OSBPL8: variants seen among roughly 807,000 people sequenced by gnomAD.
OSBPL8 encodes the protein oxysterol binding protein like 8, also known as oxysterol-binding protein-related protein 8.
In OSBPL8, 59 loss-of-function variants were observed where a neutral mutation model predicts 125.5. That is an observed-to-expected ratio of 0.47 (90% CI 0.38 to 0.58). OSBPL8 has a LOEUF of 0.58. OSBPL8 is among the 20% of genes least tolerant of loss of function. The pLI is 0.00. For synonymous variants in OSBPL8, 330 were observed against 338.9 expected, an observed-to-expected ratio of 0.97 and a Z score of 0.29; for missense variants, 758 against 1,047.8, an observed-to-expected ratio of 0.72 and a Z score of 3.82.
At chr12:76,392,056 T>G (rs1353641887) in intron 10 of OSBPL8, among the ~76,000 whole-genome samples, 4 of 152,180 alleles carry the variant, frequency 2.6e-5, no homozygotes, top group African/African-American at 9.6e-5. Context: ...TAGTGTTAAC[T>G]ACAATAAATG....
At chr12:76,416,581 C>G (rs1868699551) in intron 4 of OSBPL8, among the ~76,000 whole-genome samples, 2 of 152,128 alleles carry the variant, frequency 1.3e-5, no homozygotes, top group South Asian at 4.1e-4. Flanking sequence ...ATATAATGTA[C>G]TCATGCTTTT....
At chr12:76,511,118 TAGAGTG>T (rs529709306) in intron 1 of OSBPL8, among the ~76,000 whole-genome samples, 18 of 152,232 alleles carry the variant, frequency 1.2e-4, no homozygotes, top group Non-Finnish European at 2.2e-4. Flanking sequence ...CTGAGGGTGG[TAGAGTG>T]AGAGTCAAAA....
At chr12:76,461,147 C>T (rs907070463) in intron 2 of OSBPL8, among the ~76,000 whole-genome samples, 1 of 152,182 alleles carries the variant, frequency 6.6e-6, no homozygotes, top group Admixed American at 6.6e-5. Flanking sequence ...CTCTGCCTCC[C>T]AAAATGCTGG....
In OSBPL8 at chr12:76,476,719, C is replaced by T. The variant is rs567185440; in HGVS notation, c.42+10791G>A. On this transcript the variant is annotated intron_variant, in intron 2 of 23. Transcript: ENST00000261183. ...AAAAGATTTAAATAGTAACAGAACA[C>T]TAAATTTTAAATAATTCTGAAAACC... Among the ~76,000 whole-genome samples, 4 of 152,180 alleles carry T rather than the reference C, an allele frequency of 2.6e-5. No homozygotes were observed. In the South Asian group the frequency reaches 8.3e-4, roughly 32 times the overall value.
intron 9 of OSBPL8, among the ~76,000 whole-genome samples, chr12:76,393,072 T>C (rs1314205609): frequency 2.0e-5 from 3 of 152,294 alleles, no homozygotes; most frequent in Non-Finnish European, 2.9e-5. Flanking sequence ...GTACATAAAA[T>C]ACACTTGAGG....
At chr12:76,503,084 G>C (rs2137127647) in intron 1 of OSBPL8, among the ~76,000 whole-genome samples, 1 of 152,304 alleles carries the variant, frequency 6.6e-6, no homozygotes, top group African/African-American at 2.4e-5. Context: ...TTTTACGCAA[G>C]ACAGTTGTAC....
intron 1 of OSBPL8, among the ~76,000 whole-genome samples, chr12:76,524,960 A>G (rs1047076861): frequency 1.3e-5 from 2 of 152,188 alleles, no homozygotes; most frequent in Non-Finnish European, 2.9e-5. Context: ...CTGGAATTAC[A>G]GGCGTGAGCC....
In OSBPL8 at chr12:76,356,695, T is replaced by C. The variant is rs753879376; in HGVS notation, c.2468A>G (p.Lys823Arg). The change falls in exon 23 of 24, where the codon AAA becomes AGA. Residue 823 changes from lysine (K) to arginine (R), a missense_variant. Coordinates refer to ENST00000261183, the MANE Select transcript of OSBPL8 (RefSeq NM_020841.5). ...CTGAATGTCTCCCAGTTCTATTCCT[T>C]TCTTTCTTCTTGTACTTGGTTTTAC... ...QSVKPSTRRK[K>R]GIELGDIQSS... is the part of the protein sequence containing the mutation. 1.9e-6 allele frequency: 3 copies of C among 1,609,416 alleles called. No homozygotes were observed. Among genetic ancestry groups the C allele is most frequent in the Non-Finnish European group, 2.5e-6 (3 of 1,177,626 alleles).
At chr12:76,547,966 T>C (rs923606380) in intron 1 of OSBPL8, among the ~76,000 whole-genome samples, 12 of 152,100 alleles carry the variant, frequency 7.9e-5, no homozygotes, top group African/African-American at 2.9e-4. Context: ...TACAAATCAA[T>C]AGTGAAGGGA....
intron 21 of OSBPL8, among the ~76,000 whole-genome samples, chr12:76,362,757 T>G (rs1297059164): frequency 6.6e-6 from 1 of 152,222 alleles, no homozygotes; most frequent in African/African-American, 2.4e-5. Context: ...TGTTTGCAGA[T>G]GACATGACTG....
intron 1 of OSBPL8, among the ~76,000 whole-genome samples, chr12:76,536,289 C>A (rs541504484): frequency 8.9e-4 from 135 of 151,950 alleles, no homozygotes; most frequent in African/African-American, 3.2e-3. Context: ...AAGTTAGAGA[C>A]CTGCCTGGCC....
At chr12:76,510,452 G>C (rs1190561300) in intron 1 of OSBPL8, among the ~76,000 whole-genome samples, 1 of 152,008 alleles carries the variant, frequency 6.6e-6, no homozygotes, top group African/African-American at 2.4e-5. Flanking sequence ...AAATTCTCAA[G>C]GTACAAAAGA....
chr12:76,535,462 T>G (rs1950467675), intron 1 of OSBPL8, among the ~76,000 whole-genome samples: 1 of 152,150 alleles, frequency 6.6e-6, no homozygotes, highest in African/African-American at 2.4e-5. Flanking sequence ...AAAATGTAAG[T>G]GTTGATGAGA....
Position 76,369,227 on chromosome 12 carries a change from T to C in OSBPL8, c.2315A>G (p.His772Arg), listed in dbSNP as rs763749309. Residue 772 changes from histidine (H) to arginine (R), a missense_variant, in exon 21 of 24, where the codon CAT becomes CGT. By Grantham distance (29) the His-to-Arg change is conservative. Around this residue, in one of 3 missense-constraint regions of OSBPL8, gnomAD observed 572 missense variants for 762.0 expected, o/e 0.75. Transcript: ENST00000261183. ...KDGVIQTKVK[H>R]RTPMVSVPKM... ...TTTATTACATACCATTGGAGTACGA[T>C]GTTTCACTTTGGTCTGAATAACACC... 6.2e-7 allele frequency: 1 copy of C among 1,612,426 alleles called. No homozygotes were observed. The highest frequency in any genetic ancestry group is 8.5e-7 in the Non-Finnish European group (1 of 1,179,374).
intron 1 of OSBPL8, among the ~76,000 whole-genome samples, chr12:76,551,777 C>T (rs750664003): frequency 1.3e-5 from 2 of 152,146 alleles, no homozygotes; most frequent in East Asian, 1.9e-4. Context: ...CCTGCTGGTA[C>T]GGATATTATT....
intron 2 of OSBPL8, among the ~76,000 whole-genome samples, chr12:76,472,097 C>T (rs191798697): frequency 6.9e-4 from 105 of 152,254 alleles, no homozygotes; most frequent in African/African-American, 2.3e-3. Context: ...AAATGTAATT[C>T]GATATGCAAA....
At chr12:76,419,767 T>C (rs557797857) in intron 4 of OSBPL8, among the ~76,000 whole-genome samples, 2 of 152,334 alleles carry the variant, frequency 1.3e-5, no homozygotes, top group African/African-American at 4.8e-5. Context: ...GAAAAAAGTC[T>C]GTCATATCTT....
chr12:76,420,611 C>A (rs541499795), intron 4 of OSBPL8, among the ~76,000 whole-genome samples: 1 of 152,046 alleles, frequency 6.6e-6, no homozygotes, highest in South Asian at 2.1e-4. Context: ...AAGGGTTATG[C>A]TCAAAGCAGT....
At chr12:76,368,032 T>C (rs1041040692) in intron 21 of OSBPL8, among the ~76,000 whole-genome samples, 2 of 152,244 alleles carry the variant, frequency 1.3e-5, no homozygotes, top group Admixed American at 6.5e-5. Context: ...TAAAAATCTT[T>C]ATTTCTTCAT....
Sources: gnomAD v4.1 joint callset for allele counts (sites outside exome capture counted in the v4.1 genomes callset) on GRCh38, gnomAD v4.1.1 for gene constraint, gnomAD v4.1.1 regional missense constraint, MANE v1.5 for transcripts, NCBI Gene and HGNC (gene_info 2026-07-23, HGNC 2026-07-21) for gene names.